The following ROBO1 variants were observed in gnomAD, a reference collection of about 807,000 sequenced individuals.
ROBO1 encodes roundabout guidance receptor 1.
In ROBO1, 149 loss-of-function variants were observed where a neutral mutation model predicts 195.9. The ratio of observed to expected loss-of-function variants is 0.76; its 90% confidence interval spans 0.67 to 0.87. The LOEUF (loss-of-function observed/expected upper bound fraction) is 0.87, where lower values mean the gene tolerates loss of function less well. ROBO1 is among the 40% of genes least tolerant of loss of function. The pLI is 0.00. For synonymous variants in ROBO1, 816 were observed against 733.2 expected (o/e 1.11, Z -1.82); for missense variants, 1,933 against 2,068.3 (o/e 0.93, Z 1.27).
chr3:79,054,105 C>T (rs550835645), intron 3 of ROBO1, among the ~76,000 whole-genome samples: 25 of 152,130 alleles, frequency 1.6e-4, no homozygotes, highest in Non-Finnish European at 2.4e-4. Context: ...AGAGGAGGCC[C>T]GTTTGCAGGC....
intron 4 of ROBO1, among the ~76,000 whole-genome samples, chr3:78,875,424 C>T (rs1407652739): frequency 2.6e-5 from 4 of 151,586 alleles, no homozygotes; most frequent in Non-Finnish European, 5.9e-5. Flanking sequence ...AGAAATAAAC[C>T]ATAAAGTCTG....
At chr3:79,196,490 A>G (rs912677045) in intron 2 of ROBO1, among the ~76,000 whole-genome samples, 2 of 151,734 alleles carry the variant, frequency 1.3e-5, no homozygotes, top group Non-Finnish European at 3.0e-5. Flanking sequence ...AATCCAAATT[A>G]GTGCAGCTAA....
chr3:79,495,217 C>A (rs1221777869), intron 2 of ROBO1, among the ~76,000 whole-genome samples: 1 of 151,972 alleles, frequency 6.6e-6, no homozygotes, highest in Non-Finnish European at 1.5e-5. Context: ...AAAGAAAGAG[C>A]AGATCTCATT....
At chr3:79,390,014 G>C (rs902771844) in intron 2 of ROBO1, among the ~76,000 whole-genome samples, 11 of 152,094 alleles carry the variant, frequency 7.2e-5, no homozygotes, top group Non-Finnish European at 1.3e-4. Flanking sequence ...ATGTAAAGAG[G>C]TGAACTAATC....
At chr3:79,762,609 AACACAC>A (rs60977072) in intron 1 of ROBO1, among the ~76,000 whole-genome samples, 12 of 146,612 alleles carry the variant, frequency 8.2e-5, no homozygotes, top group African/African-American at 3.1e-4. Context: ...ATTCTGGACA[AACACAC>A]ACACACACAC....
At position 79,027,837 on chromosome 3, in the gene ROBO1, A is replaced by G. The variant is rs1214892973; in HGVS notation, c.173-88910T>C. Among the ~76,000 whole-genome samples, 8 of 152,108 alleles carry G rather than the reference A, an allele frequency of 5.3e-5. No homozygotes were observed. In the South Asian group the frequency reaches 6.2e-4, roughly 12 times the overall value. ...AAGGTAGAATTTCACTTGTAACACC[A>G]TATCTTGTTGTATATATCTTATTTC... On this transcript the variant is annotated intron_variant, in intron 3 of 30. Coordinates refer to ENST00000464233, the MANE Select transcript of ROBO1 (RefSeq NM_002941.4).
At chr3:79,496,519 G>A (rs1433279255) in intron 2 of ROBO1, among the ~76,000 whole-genome samples, 3 of 147,822 alleles carry the variant, frequency 2.0e-5, no homozygotes, top group African/African-American at 7.5e-5. Context: ...GAGTAGCTGG[G>A]ACTACAGGCG....
chr3:79,550,187 G>GAAAAGA (rs144328296), intron 2 of ROBO1, among the ~76,000 whole-genome samples: 1 of 79,496 alleles, frequency 1.3e-5, no homozygotes, highest in African/African-American at 8.6e-5. Flanking sequence ...AAGAAAGAAA[G>GAAAAGA]AAAGAAAGGA....
At chr3:78,817,302 T>C (rs185381901) in intron 4 of ROBO1, among the ~76,000 whole-genome samples, 3 of 152,304 alleles carry the variant, frequency 2.0e-5, no homozygotes, top group South Asian at 4.1e-4. Context: ...GAGATTAAGA[T>C]GATTGTTTGC....
chr3:79,332,251 A>T (rs1272595571), intron 2 of ROBO1, among the ~76,000 whole-genome samples: 1 of 152,154 alleles, frequency 6.6e-6, no homozygotes, highest in Non-Finnish European at 1.5e-5. Context: ...AACATATTTA[A>T]AAACACAAGA....
chr3:78,916,515 G>A (rs1351218492), intron 4 of ROBO1, among the ~76,000 whole-genome samples: 4 of 142,986 alleles, frequency 2.8e-5, no homozygotes, highest in Non-Finnish European at 6.0e-5. Flanking sequence ...TCATACCACT[G>A]CACTCCAGCC....
At position 79,400,132 on chromosome 3, in the gene ROBO1, C is replaced by G. The variant is rs2037309587; in HGVS notation, c.88+189692G>C. Among the ~76,000 whole-genome samples, 7 of 152,166 alleles carry G rather than the reference C, an allele frequency of 4.6e-5. No individual in the cohort carries two copies. In the South Asian group the frequency reaches 1.5e-3, roughly 32 times the overall value. On this transcript the variant is annotated intron_variant, in intron 2 of 30. Coordinates refer to ENST00000464233, the MANE Select transcript of ROBO1 (RefSeq NM_002941.4). ...TGGTAAATGTGAGTTCTCAGCCAAA[C>G]TATTAAATTAGAAAAATACTGCAAT...
chr3:79,506,886 AT>A (rs1940427541), intron 2 of ROBO1, among the ~76,000 whole-genome samples: 1 of 151,684 alleles, frequency 6.6e-6, no homozygotes, highest in South Asian at 2.1e-4. Flanking sequence ...TGAATTTGTT[AT>A]CCATTAACCA....
At chr3:78,890,592 T>C (rs1224334785) in intron 4 of ROBO1, among the ~76,000 whole-genome samples, 2 of 152,130 alleles carry the variant, frequency 1.3e-5, no homozygotes, top group African/African-American at 2.4e-5. Flanking sequence ...AACTGGGAAA[T>C]AGCAAAAGGA....
chr3:79,190,270 G>C (rs2081514110), intron 2 of ROBO1, among the ~76,000 whole-genome samples: 1 of 151,590 alleles, frequency 6.6e-6, no homozygotes, highest in Admixed American at 6.6e-5. Context: ...ATGTTGTCTA[G>C]GAGAACTTTC....
At chr3:79,101,742 G>A (rs1434110159) in intron 3 of ROBO1, among the ~76,000 whole-genome samples, 1 of 151,936 alleles carries the variant, frequency 6.6e-6, no homozygotes, top group Non-Finnish European at 1.5e-5. Context: ...CCACAATGTT[G>A]TGAAGGCTGT....
chr3:78,675,625 G>A (rs907242697), intron 10 of ROBO1, among the ~76,000 whole-genome samples: 5 of 152,164 alleles, frequency 3.3e-5, no homozygotes, highest in Non-Finnish European at 5.9e-5. Context: ...AGGGGGGCCT[G>A]CCATTGCCGA....
intron 19 of ROBO1, among the ~76,000 whole-genome samples, chr3:78,649,127 A>AT (rs1320422868): frequency 2.2e-5 from 3 of 134,566 alleles, no homozygotes; most frequent in African/African-American, 6.8e-5. Context: ...AGTCTTCATA[A>AT]AAAAAAAAAA....
intron 3 of ROBO1, among the ~76,000 whole-genome samples, chr3:78,971,116 T>C (rs1336882716): frequency 1.3e-5 from 2 of 152,196 alleles, no homozygotes; most frequent in African/African-American, 2.4e-5. Flanking sequence ...AGGGGCCAGC[T>C]GTGGGTGGCT....
Sources: gnomAD v4.1 joint callset for allele counts (sites outside exome capture counted in the v4.1 genomes callset) on GRCh38, gnomAD v4.1.1 for gene constraint, MANE v1.5 for transcripts, NCBI Gene and HGNC (gene_info 2026-07-23, HGNC 2026-07-21) for gene names.